Variants in NXPE3 observed in about 807,000 individuals in gnomAD.
NXPE3 encodes neurexophilin and PC-esterase domain family member 3, also known as NXPE family member 3.
Under a neutral mutation model 46.1 loss-of-function variants are expected in NXPE3, and 26 were observed. The ratio of observed to expected loss-of-function variants is 0.56; its 90% CI spans 0.41 to 0.78. The LOEUF (loss-of-function observed/expected upper bound fraction) is 0.78, where lower values mean the gene tolerates loss of function less well. NXPE3 is among the 30% of genes least tolerant of loss of function. The probability of loss-of-function intolerance (pLI) is 0.00; values close to 1 mark genes in which losing one functional copy is unlikely to be tolerated. For synonymous variants in NXPE3, 272 were observed against 257.9 expected, an observed-to-expected ratio of 1.05 and a Z score of -0.52; for missense variants, 620 against 686.0, an observed-to-expected ratio of 0.90 and a Z score of 1.07.
At chr3:101,781,022 C>T (rs1000992453) in intron 1 of NXPE3, among the ~76,000 whole-genome samples, 1 of 152,176 alleles carries the variant, frequency 6.6e-6, no homozygotes, top group Non-Finnish European at 1.5e-5. Flanking sequence ...AGATCCTGCC[C>T]TGTTTCAAGG....
chr3:101,780,440 A>G lies in NXPE3; in HGVS notation c.-498+1116A>G, dbSNP rs538060728. 3.9e-5 allele frequency among the ~76,000 whole-genome samples: 6 copies of G among 152,306 alleles called. No individual in the cohort carries two copies. In the South Asian group the frequency reaches 1.2e-3, roughly 32 times the overall value. ...TTGGGTTGTCCTGACCTGACAATTTAAGTTACAATTCAAACATCATTTTGG... is the reference window on the plus strand; with the variant it reads ...TTGGGTTGTCCTGACCTGACAATTTGAGTTACAATTCAAACATCATTTTGG... On this transcript the variant is annotated intron_variant, in intron 1 of 7. Transcript: ENST00000273347.
Position 101,801,608 on chromosome 3 carries a change from G to A in NXPE3, c.467G>A (p.Gly156Glu). Residue 156 changes from glycine to glutamate, a missense_variant, in exon 5 of 8, where the codon GGG (glycine) becomes GAG (glutamate). Around this residue, in one of 3 missense-constraint regions of NXPE3, gnomAD observed 511 missense variants for 528.6 expected, o/e 0.97. Transcript: ENST00000273347. ...ARIHSLKLQA[G>E]AVGRVVDYQN... ...ATTCACTCCCTCAAGCTGCAGGCTG[G>A]GGCTGTGGGCAGGGTGGTGGATTAC... 1 of 1,614,210 alleles carries A rather than the reference G, an allele frequency of 6.2e-7. No homozygotes were observed. The highest frequency in any genetic ancestry group is 8.5e-7 in the Non-Finnish European group (1 of 1,180,040).
chr3:101,788,644 C>T (rs927991170), intron 4 of NXPE3, among the ~76,000 whole-genome samples: 1 of 151,994 alleles, frequency 6.6e-6, no homozygotes, highest in African/African-American at 2.4e-5. Flanking sequence ...GAGACGGAGT[C>T]TTGCTCTGTT....
chr3:101,795,024 TGTC>T (rs1247241280), intron 4 of NXPE3, among the ~76,000 whole-genome samples: 1 of 152,220 alleles, frequency 6.6e-6, no homozygotes, highest in Non-Finnish European at 1.5e-5. Context: ...ATGATACTGT[TGTC>T]ATGAATTTTA....
In NXPE3 at chr3:101,821,504, A is replaced by C. The variant is rs1204703962; in HGVS notation, c.1230A>C (p.Pro410=). The C allele has an allele frequency of 6.2e-7, 1 of 1,614,036 alleles. No homozygotes were observed. Among genetic ancestry groups the C allele is most frequent in the South Asian group, 1.1e-5 (1 of 91,066 alleles). The change falls in exon 8 of 8, where the codon CCA becomes CCC. Residue 410 remains proline, a synonymous_variant. Transcript: ENST00000273347. The part of the protein sequence containing the change: ...NILLKYRCHG[P]PIRFTTVFSN... Reference sequence around the variant, plus strand: ...TGCTCAAATACCGCTGCCATGGTCCACCCATCCGCTTCACGACTGTCTTTA... The same window carrying C: ...TGCTCAAATACCGCTGCCATGGTCCCCCCATCCGCTTCACGACTGTCTTTA...
At chr3:101,807,205 C>CA in intron 6 of NXPE3, 79 bp downstream of exon 6, 1 of 1,032,906 alleles carries the variant, frequency 9.7e-7, no homozygotes, top group Non-Finnish European at 1.5e-6. Context: ...ATTTATGTTG[C>CA]AAAAACTTAT....
In NXPE3 at chr3:101,822,843, TTTTTG is replaced by T. The variant is rs1310348962; in HGVS notation, c.*892_*896del. Reference sequence around the variant, plus strand: ...TTTCCACTAGTTTCAGGTGTTTTTTTTTTTGTTGTTGTTGTTGTTATTTTGAACTA... The same window carrying T: ...TTTCCACTAGTTTCAGGTGTTTTTTTTTGTTGTTGTTGTTATTTTGAACTA... On this transcript the variant is annotated 3_prime_UTR_variant, in exon 8 of 8. Transcript: ENST00000273347. 1 of 136,252 alleles carries T rather than the reference TTTTTG, an allele frequency of 7.3e-6. No individual in the cohort carries two copies. The highest frequency in any genetic ancestry group is 7.2e-5 in the Admixed American group (1 of 13,924). 8.4% of individuals were successfully genotyped at this position (136,252 alleles called of 1,614,324 possible). A position where few individuals can be genotyped will look rare whatever the true frequency, so the allele number is the denominator to read the frequency against.
chr3:101,815,063 A>G (rs1941910388), intron 6 of NXPE3, among the ~76,000 whole-genome samples: 1 of 152,206 alleles, frequency 6.6e-6, no homozygotes, highest in African/African-American at 2.4e-5. Flanking sequence ...ACTTGCAAGA[A>G]ATATTAGCCA....
intron 6 of NXPE3, among the ~76,000 whole-genome samples, chr3:101,810,598 C>T (rs1941662743): frequency 6.6e-6 from 1 of 152,136 alleles, no homozygotes; most frequent in Non-Finnish European, 1.5e-5. Context: ...TTAACAGGGG[C>T]CATGTTCTTC....
rs112115876 is a variant in NXPE3, at chr3:101,799,490, G to A, written c.94-1745G>A. 2.7e-3 allele frequency among the ~76,000 whole-genome samples: 417 copies of A among 151,916 alleles called. 3 individuals carry two copies. The highest frequency in any genetic ancestry group is 9.5e-3 in the African/African-American group (395 of 41,422). ...CGCCCAGCCTGGAGTGCAGTGGCGC[G>A]ATCTTGGCTCACTGCAACCTCTGCC... On this transcript the variant is annotated intron_variant, in intron 4 of 7. Coordinates refer to ENST00000273347, the MANE Select transcript of NXPE3 (RefSeq NM_145037.4).
At chr3:101,790,438 C>T (rs1014848582) in intron 4 of NXPE3, among the ~76,000 whole-genome samples, 3 of 152,020 alleles carry the variant, frequency 2.0e-5, no homozygotes, top group African/African-American at 2.4e-5. Context: ...AGAATTGTGT[C>T]CTCTTGATGA....
chr3:101,810,115 T>A (rs933867252), intron 6 of NXPE3, among the ~76,000 whole-genome samples: 1 of 152,198 alleles, frequency 6.6e-6, no homozygotes, highest in South Asian at 2.1e-4. Context: ...GAAAAACAGT[T>A]TTTAGTTCTA....
At chr3:101,808,980 T>C (rs1272507435) in intron 6 of NXPE3, among the ~76,000 whole-genome samples, 1 of 151,464 alleles carries the variant, frequency 6.6e-6, no homozygotes, top group East Asian at 1.9e-4. Flanking sequence ...GGAGGCCCTG[T>C]CTCCCACTAC....
Position 101,821,552 on chromosome 3 carries a change from G to T in NXPE3, c.1278G>T (p.Ala426=). 6.2e-7 allele frequency: 1 copy of T among 1,614,170 alleles called. No individual in the cohort carries two copies. The highest frequency in any genetic ancestry group is 8.5e-7 in the Non-Finnish European group (1 of 1,180,042). ...TTAGCAATGAGCTCCATTATGTGGCGAATGAGCTGAATGGCATTGTGGGAG... is the reference window on the plus strand; with the variant it reads ...TTAGCAATGAGCTCCATTATGTGGCTAATGAGCTGAATGGCATTGTGGGAG... ...TVFSNELHYV[A]NELNGIVGGK... is the part of the protein sequence containing the mutation. Residue 426 remains alanine, a synonymous_variant, in exon 8 of 8, where the codon GCG becomes GCT. Coordinates refer to ENST00000273347, the MANE Select transcript of NXPE3 (RefSeq NM_145037.4).
chr3:101,810,317 T>C (rs1941649583), intron 6 of NXPE3, among the ~76,000 whole-genome samples: 1 of 152,094 alleles, frequency 6.6e-6, no homozygotes, highest in Non-Finnish European at 1.5e-5. Flanking sequence ...TTACTGAGAG[T>C]TTAGAATAAG....
intron 3 of NXPE3, among the ~76,000 whole-genome samples, chr3:101,784,382 C>T (rs967047465): frequency 6.6e-6 from 1 of 152,112 alleles, no homozygotes; most frequent in Non-Finnish European, 1.5e-5. Flanking sequence ...TGGAATGGCT[C>T]ACCCTTGTCT....
rs139135706 is a variant in NXPE3, at chr3:101,821,551, C to T, written c.1277C>T (p.Ala426Val). The T allele has an allele frequency of 1.2e-5, 20 of 1,614,132 alleles. No individual in the cohort carries two copies. The highest frequency in any genetic ancestry group is 2.7e-5 in the African/African-American group (2 of 75,032). ...TVFSNELHYV[A>V]NELNGIVGGK... ...TTTAGCAATGAGCTCCATTATGTGG[C>T]GAATGAGCTGAATGGCATTGTGGGA... is the stretch of plus-strand genomic sequence containing the variant. The change falls in exon 8 of 8, where the codon GCG (alanine) becomes GTG (valine). Residue 426 changes from alanine to valine, a missense_variant. Physicochemically the swap from Ala to Val is moderately conservative, Grantham distance 64. Transcript: ENST00000273347.
chr3:101,781,240 C>A (rs1939808010), intron 1 of NXPE3, among the ~76,000 whole-genome samples: 1 of 152,136 alleles, frequency 6.6e-6, no homozygotes, highest in African/African-American at 2.4e-5. Flanking sequence ...AGGATAGGGA[C>A]TGCCTCAGAA....
Position 101,804,214 on chromosome 3 carries a change from G to A in NXPE3, c.848+2225G>A, listed in dbSNP as rs1002899395. On this transcript the variant is annotated intron_variant, in intron 5 of 7. Transcript: ENST00000273347. ...AAGAGGAAGAAACATAGTAATTTAC[G>A]CAAATTCCAGGTGGAAAATAGAGAA... Among the ~76,000 whole-genome samples, 15 of 152,118 alleles carry A rather than the reference G, an allele frequency of 9.9e-5. 1 individual carries two copies. The highest frequency in any genetic ancestry group is 1.7e-4 in the African/African-American group (7 of 41,422).
Sources: allele counts gnomAD v4.1 joint callset (sites outside exome capture counted in the v4.1 genomes callset), GRCh38; gene constraint gnomAD v4.1.1; regional missense constraint gnomAD v4.1.1; transcripts MANE v1.5; gene names NCBI Gene and HGNC (gene_info 2026-07-23, HGNC 2026-07-21).